Variants in BFSP1 observed in about 807,000 individuals in gnomAD.
BFSP1 encodes the protein beaded filament structural protein 1.
BFSP1 carries 38 observed loss-of-function variants against 43.9 expected under a neutral mutation model. The ratio of observed to expected loss-of-function variants is 0.87; its 90% CI spans 0.67 to 1.14. BFSP1 has a LOEUF of 1.14. BFSP1 is among the 50% of genes most tolerant of loss of function. The probability of loss-of-function intolerance (pLI) is 0.00; values close to 1 mark genes in which losing one functional copy is unlikely to be tolerated. For synonymous variants in BFSP1, 352 were observed against 354.8 expected, an observed-to-expected ratio of 0.99 and a Z score of 0.09; for missense variants, 850 against 875.1, an observed-to-expected ratio of 0.97 and a Z score of 0.36.
chr20:17,497,463 C>T lies in BFSP1; in HGVS notation c.957-440G>A, dbSNP rs1568679117. On this transcript the variant is annotated intron_variant, in intron 6 of 7. Transcript: ENST00000377873. Reference sequence around the variant, plus strand: ...ATACGTGTATGTATATATATATACACACACACACGTATATATACGTGTGTA... The same window carrying T: ...ATACGTGTATGTATATATATATACATACACACACGTATATATACGTGTGTA... Among the ~76,000 whole-genome samples the T allele has an allele frequency of 5.2e-4, 77 of 146,770 alleles. 2 individuals carry two copies. Among genetic ancestry groups the T allele is most frequent in the African/African-American group, 1.9e-3 (73 of 39,354 alleles).
chr20:17,499,018 A>G lies in BFSP1; in HGVS notation c.758T>C (p.Ile253Thr). Reference sequence around the variant, plus strand: ...GTCATAACACTCATGGGCACTTTTAATAGCTTGTTCCAGAGTTGTTGTCTG... The same window carrying G: ...GTCATAACACTCATGGGCACTTTTAGTAGCTTGTTCCAGAGTTGTTGTCTG... The part of the protein sequence containing the change: ...QAQTTTLEQA[I>T]KSAHECYDDE... The change falls in exon 6 of 8, where the codon ATT (isoleucine) becomes ACT (threonine). Residue 253 changes from isoleucine to threonine, a missense_variant. Physicochemically the swap from Ile to Thr is moderately conservative, Grantham distance 89 (BLOSUM62 -1). Transcript: ENST00000377873. 1 of 1,614,144 alleles carries G rather than the reference A, an allele frequency of 6.2e-7. No individual in the cohort carries two copies. The highest frequency in any genetic ancestry group is 1.1e-5 in the South Asian group (1 of 91,082).
chr20:17,516,884 C>A, intron 2 of BFSP1: 1 of 673,000 alleles, frequency 1.5e-6, no homozygotes, highest in Non-Finnish European at 2.7e-6. Flanking sequence ...AGACCATCAC[C>A]CTCAAGGTTG....
At chr20:17,529,260 G>C (rs1340570492) in intron 1 of BFSP1, among the ~76,000 whole-genome samples, 1 of 152,128 alleles carries the variant, frequency 6.6e-6, no homozygotes, top group African/African-American at 2.4e-5. Context: ...TTTTAAAGTA[G>C]ACACAGGGTT....
intron 1 of BFSP1, among the ~76,000 whole-genome samples, chr20:17,526,828 GT>G (rs2123523903): frequency 1.3e-5 from 2 of 152,268 alleles, no homozygotes; most frequent in South Asian, 4.1e-4. Context: ...CTTATTTTCT[GT>G]TGTTTTTTGT....
At chr20:17,500,928 T>A (rs923892947) in intron 5 of BFSP1, among the ~76,000 whole-genome samples, 2 of 152,182 alleles carry the variant, frequency 1.3e-5, no homozygotes, top group African/African-American at 4.8e-5. Flanking sequence ...CACTTCTACC[T>A]AGCGCAGCCC....
At position 17,494,297 on chromosome 20, in the gene BFSP1, G is replaced by C. The variant is rs145703098; in HGVS notation, c.1775C>G (p.Ala592Gly). ...CACCTCAGCTCCATCCTGATCAGCC[G>C]CAGGCTTTGGAGGCTCAGGTATAGA... is the stretch of plus-strand genomic sequence containing the variant. Reference protein sequence around the residue: ...EPSIPEPPKPAADQDGAEVLG... With the variant: ...EPSIPEPPKPGADQDGAEVLG... Residue 592 changes from alanine to glycine, a missense_variant, in exon 8 of 8, where the codon GCG becomes GGG. Coordinates refer to ENST00000377873, the MANE Select transcript of BFSP1 (RefSeq NM_001195.5). 5 of 1,614,152 alleles carry C rather than the reference G, an allele frequency of 3.1e-6. No individual in the cohort carries two copies. Among genetic ancestry groups the C allele is most frequent in the Non-Finnish European group, 4.2e-6 (5 of 1,180,028 alleles).
At chr20:17,542,539 C>T (rs938646802) in intron 1 of BFSP1, among the ~76,000 whole-genome samples, 5 of 151,844 alleles carry the variant, frequency 3.3e-5, no homozygotes, top group African/African-American at 1.2e-4. Flanking sequence ...GTCAGGGCTG[C>T]AGTAAGCTAT....
chr20:17,493,999 C>A lies in BFSP1; in HGVS notation c.*75G>T. 1 of 1,342,418 alleles carries A rather than the reference C, an allele frequency of 7.4e-7. No homozygotes were observed. Among genetic ancestry groups the A allele is most frequent in the East Asian group, 2.3e-5 (1 of 43,348 alleles). The allele number at this position is 1,342,418 out of a possible 1,614,324, so 83.2% of individuals were successfully genotyped here. ...CAAACAGGAACCCTCACCCTTTTAT[C>A]ATTTGCTCTAAAATATCAAAGCATT... On this transcript the variant is annotated 3_prime_UTR_variant, in exon 8 of 8. Transcript: ENST00000377873.
Position 17,496,989 on chromosome 20 carries a change from G to C in BFSP1, c.991C>G (p.Leu331Val). Residue 331 changes from leucine (L) to valine (V), a missense_variant, in exon 7 of 8, where the codon CTG becomes GTG. By Grantham distance (32) the Leu-to-Val change is conservative. Coordinates refer to ENST00000377873, the MANE Select transcript of BFSP1 (RefSeq NM_001195.5). ...TSAFIETPIP[L>V]FTQSHGVSLS... ...GAGACTCCATGGCTCTGGGTGAACA[G>C]GGGAATGGGAGTTTCAATGAAGGCA... is the stretch of plus-strand genomic sequence containing the variant. 6.5e-7 allele frequency: 1 copy of C among 1,543,964 alleles called. No homozygotes were observed. The highest frequency in any genetic ancestry group is 2.5e-5 in the East Asian group (1 of 40,034).
intron 1 of BFSP1, among the ~76,000 whole-genome samples, chr20:17,530,419 T>C (rs2034508800): frequency 1.3e-5 from 2 of 152,242 alleles, no homozygotes; most frequent in South Asian, 4.1e-4. Context: ...ATAACATCGG[T>C]ACATCTCAAA....
intron 1 of BFSP1, among the ~76,000 whole-genome samples, chr20:17,557,322 G>A (rs926017538): frequency 6.6e-6 from 1 of 152,164 alleles, no homozygotes; most frequent in African/African-American, 2.4e-5. Context: ...TGGGTCAAAG[G>A]GCCTTTGAAT....
intron 1 of BFSP1, among the ~76,000 whole-genome samples, chr20:17,554,458 G>C (rs2034957406): frequency 6.6e-6 from 1 of 152,186 alleles, no homozygotes; most frequent in Non-Finnish European, 1.5e-5. Flanking sequence ...ATGTATCATA[G>C]AAGGCCACAA....
At chr20:17,563,112 G>A (rs1388831319), upstream of BFSP1, 1 of 152,224 alleles carries the variant, frequency 6.6e-6, no homozygotes, top group Non-Finnish European at 1.5e-5. Context: ...GATGAGGCCA[G>A]TGATAATATC....
At chr20:17,526,989 G>A (rs940195010) in intron 1 of BFSP1, among the ~76,000 whole-genome samples, 2 of 152,210 alleles carry the variant, frequency 1.3e-5, no homozygotes, top group Non-Finnish European at 2.9e-5. Context: ...GCATGCCCAT[G>A]CCATGGGTTC....
chr20:17,524,431 T>C (rs1349466878), intron 2 of BFSP1, among the ~76,000 whole-genome samples: 1 of 152,224 alleles, frequency 6.6e-6, no homozygotes, highest in Non-Finnish European at 1.5e-5. Context: ...CTCTGTTATC[T>C]TGAGACTTCT....
intron 4 of BFSP1, among the ~76,000 whole-genome samples, chr20:17,511,521 G>A (rs77427079): frequency 0.021 from 3,125 of 152,206 alleles, 54 homozygotes; most frequent in East Asian, 0.074. Context: ...AAGGATGCTC[G>A]GCTTCCTTAG....
chr20:17,526,463 G>A (rs1236534017), intron 1 of BFSP1, among the ~76,000 whole-genome samples: 1 of 152,106 alleles, frequency 6.6e-6, no homozygotes, highest in Non-Finnish European at 1.5e-5. Flanking sequence ...TTAGCATAAT[G>A]TCTTCAAGTT....
At chr20:17,504,212 T>C (rs2269043) in intron 5 of BFSP1, among the ~76,000 whole-genome samples, 37,474 of 152,148 alleles carry the variant, frequency 0.25, 4,787 homozygotes, top group Middle Eastern at 0.32. Flanking sequence ...TCCAACTCCG[T>C]ACTGGTCGCA....
intron 1 of BFSP1, among the ~76,000 whole-genome samples, chr20:17,539,351 A>T (rs2034679715): frequency 6.6e-6 from 1 of 151,488 alleles, no homozygotes; most frequent in Non-Finnish European, 1.5e-5. Context: ...GCCTCAAGTG[A>T]TCCTCCTGAC....
Sources: gnomAD v4.1 joint callset for allele counts (sites outside exome capture counted in the v4.1 genomes callset) on GRCh38, gnomAD v4.1.1 for gene constraint, MANE v1.5 for transcripts, NCBI Gene and HGNC (gene_info 2026-07-23, HGNC 2026-07-21) for gene names.